The following MAP3K13 variants were observed in gnomAD, a reference collection of about 807,000 sequenced individuals.
MAP3K13 encodes the protein mitogen-activated protein kinase kinase kinase 13.
Under a neutral mutation model 104.0 loss-of-function variants are expected in MAP3K13, and 52 were observed. The ratio of observed to expected loss-of-function variants is 0.50; its 90% CI spans 0.40 to 0.63. The LOEUF is 0.63. Ranked by LOEUF, MAP3K13 falls within the 20% of genes least tolerant of loss-of-function variation. The pLI, the probability that MAP3K13 is intolerant of heterozygous loss-of-function variation, is 0.00. For missense variants in MAP3K13, 914 were observed against 1,218.5 expected (o/e 0.75, Z 3.72); for synonymous variants, 394 against 442.2 (o/e 0.89, Z 1.37).
chr3:185,425,431 C>T (rs1714357205), intron 1 of MAP3K13, among the ~76,000 whole-genome samples: 1 of 152,176 alleles, frequency 6.6e-6, no homozygotes, highest in South Asian at 2.1e-4. Flanking sequence ...ATTACTAGAT[C>T]TTACTAATTC....
chr3:185,479,341 G>A (rs553114829), intron 12 of MAP3K13, among the ~76,000 whole-genome samples: 1 of 152,334 alleles, frequency 6.6e-6, no homozygotes, highest in East Asian at 1.9e-4. Flanking sequence ...CAAAGTGTGT[G>A]TAGACCCAGC....
At chr3:185,388,394 C>T (rs1024944358) in intron 1 of MAP3K13, among the ~76,000 whole-genome samples, 1 of 151,808 alleles carries the variant, frequency 6.6e-6, no homozygotes, top group Non-Finnish European at 1.5e-5. Flanking sequence ...TCCAGCTACT[C>T]GGGAGGATGA....
At position 185,356,910 on chromosome 3, in the gene MAP3K13, T is replaced by G. The variant is rs866083721; in HGVS notation, c.-86+71267T>G. Among the ~76,000 whole-genome samples, 9 of 143,566 alleles carry G rather than the reference T, an allele frequency of 6.3e-5. No homozygotes were observed. In the South Asian group the frequency reaches 8.7e-4, roughly 14 times the overall value. The allele number at this position is 143,566 out of a possible 152,430, so 94.2% of individuals were successfully genotyped here. A position where few individuals can be genotyped will look rare whatever the true frequency, so the allele number is the denominator to read the frequency against. On this transcript the variant is annotated intron_variant, in intron 2 of 14. Coordinates refer to the MAP3K13 transcript ENST00000424227. ...TGTATGTATGTATGTATGTATGTAT[T>G]TATGTATTGAGACGGAGTCTCGCTC...
chr3:185,429,527 A>G (rs1173203495), intron 2 of MAP3K13, among the ~76,000 whole-genome samples: 5 of 152,200 alleles, frequency 3.3e-5, no homozygotes, highest in African/African-American at 1.2e-4. Flanking sequence ...CTGAGGCAGG[A>G]GGATTACTTG....
Position 185,428,738 on chromosome 3 carries a change from C to T in MAP3K13, c.157C>T (p.Arg53Ter). Residue 53 changes from arginine to a stop codon, truncating the protein, a stop_gained, in exon 2 of 14, where the codon CGA becomes TGA. Coordinates refer to ENST00000265026, the MANE Select transcript of MAP3K13 (RefSeq NM_004721.5). LOFTEE classifies it high-confidence loss of function. Reference protein sequence around the residue: ...LEDQQEKGMVRTELIESVHSP... With the variant: ...LEDQQEKGMV ...GGACCAGCAGGAAAAGGGGATGGTACGAACAGAGCTAATCGAGAGCGTGCA... is the reference window on the plus strand; with the variant it reads ...GGACCAGCAGGAAAAGGGGATGGTATGAACAGAGCTAATCGAGAGCGTGCA... 20 of 1,614,128 alleles carry T rather than the reference C, an allele frequency of 1.2e-5. No individual in the cohort carries two copies. The highest frequency in any genetic ancestry group is 2.2e-5 in the East Asian group (1 of 44,882).
chr3:185,431,291 C>G (rs901506202), intron 2 of MAP3K13, among the ~76,000 whole-genome samples: 5 of 152,192 alleles, frequency 3.3e-5, no homozygotes, highest in African/African-American at 9.7e-5. Flanking sequence ...TATAATTCTT[C>G]AGCATCATTT....
chr3:185,480,749 G>A (rs1359538325), intron 13 of MAP3K13, among the ~76,000 whole-genome samples: 2 of 152,192 alleles, frequency 1.3e-5, no homozygotes, highest in African/African-American at 2.4e-5. Flanking sequence ...CAGGAAGCAC[G>A]GCTGGGAGAC....
At position 185,315,238 on chromosome 3, in the gene MAP3K13, A is replaced by C. The variant is rs1721635222; in HGVS notation, c.-86+29595A>C. 6.6e-6 allele frequency among the ~76,000 whole-genome samples: 1 copy of C among 152,170 alleles called. No individual in the cohort carries two copies. The highest frequency in any genetic ancestry group is 2.4e-5 in the African/African-American group (1 of 41,442). ...GCACTCCAGCCTGGGTGACAGAGCA[A>C]GACTCCAACTCAAAAAAGAAAAAAA... On this transcript the variant is annotated intron_variant, in intron 2 of 14. Coordinates refer to the MAP3K13 transcript ENST00000424227. The surrounding 1 kb of genome is among the most constrained non-coding windows in gnomAD (Gnocchi z 4.3).
chr3:185,325,112 T>A lies in MAP3K13; in HGVS notation c.-86+39469T>A, dbSNP rs546766700. 2.6e-5 allele frequency among the ~76,000 whole-genome samples: 4 copies of A among 152,332 alleles called. No individual in the cohort carries two copies. The East Asian group carries it at 7.7e-4, about 29-fold the overall frequency. Reference sequence around the variant, plus strand: ...ACTAATAATTTGGGTGAAATCATGGTCATTAAGTAGACGTAGTTAGGCTGA... The same window carrying A: ...ACTAATAATTTGGGTGAAATCATGGACATTAAGTAGACGTAGTTAGGCTGA... On this transcript the variant is annotated intron_variant, in intron 2 of 14. Coordinates refer to the MAP3K13 transcript ENST00000424227.
chr3:185,437,428 T>C lies in MAP3K13; in HGVS notation c.476-19T>C, dbSNP rs1485677523. ...CCTTCTGAGATCTCTTCAAGCTTAT[T>C]TCTTGCTTGTGTGCCTAGATACTTG... On this transcript the variant is annotated intron_variant, in intron 2 of 13. Coordinates refer to ENST00000265026, the MANE Select transcript of MAP3K13 (RefSeq NM_004721.5). The C allele has an allele frequency of 6.2e-7, 1 of 1,609,802 alleles. No individual in the cohort carries two copies. Among genetic ancestry groups the C allele is most frequent in the Non-Finnish European group, 8.5e-7 (1 of 1,178,098 alleles).
intron 2 of MAP3K13, among the ~76,000 whole-genome samples, chr3:185,287,634 A>G (rs918856955): frequency 3.9e-5 from 6 of 152,200 alleles, no homozygotes; most frequent in African/African-American, 1.4e-4. Context: ...AGATTTTATT[A>G]GAAACTTGCT....
intron 2 of MAP3K13, among the ~76,000 whole-genome samples, chr3:185,290,817 T>C (rs1334549329): frequency 1.3e-5 from 2 of 152,142 alleles, no homozygotes; most frequent in Non-Finnish European, 2.9e-5. Context: ...TTAGCTGCTA[T>C]TATTATTAGT....
At chr3:185,480,575 T>C in intron 13 of MAP3K13, 46 bp downstream of exon 13, 1 of 1,580,112 alleles carries the variant, frequency 6.3e-7, no homozygotes, top group Non-Finnish European at 8.6e-7. Context: ...CCTTTTTTGC[T>C]CTTTGGGGTT....
intron 1 of MAP3K13, among the ~76,000 whole-genome samples, chr3:185,402,375 G>T (rs1046849433): frequency 2.0e-4 from 30 of 151,934 alleles, no homozygotes; most frequent in African/African-American, 6.8e-4. Flanking sequence ...GCTTTGGGTG[G>T]TTTTTTAAAA....
At chr3:185,392,048 AC>A (rs1178452944) in intron 1 of MAP3K13, among the ~76,000 whole-genome samples, 2 of 152,290 alleles carry the variant, frequency 1.3e-5, no homozygotes, top group Admixed American at 1.3e-4. Context: ...TTCTTGCATG[AC>A]TTTTACATGC....
At chr3:185,340,497 T>G (rs1004334831) in intron 2 of MAP3K13, among the ~76,000 whole-genome samples, 2 of 152,212 alleles carry the variant, frequency 1.3e-5, no homozygotes, top group African/African-American at 4.8e-5. Context: ...GAATGTGTAC[T>G]TTATCCTGAG....
At chr3:185,414,226 T>C (rs866870153) in intron 1 of MAP3K13, among the ~76,000 whole-genome samples, 12 of 152,354 alleles carry the variant, frequency 7.9e-5, no homozygotes, top group Middle Eastern at 3.4e-3. Context: ...TAAGTTAATA[T>C]GGGAAACGTG....
chr3:185,381,270 G>A (rs913709413), intron 1 of MAP3K13, among the ~76,000 whole-genome samples: 3 of 152,166 alleles, frequency 2.0e-5, no homozygotes, highest in African/African-American at 7.2e-5. Flanking sequence ...CCAAGAGGAA[G>A]AGTTTCATGC....
chr3:185,427,936 A>G (rs1714520059), intron 1 of MAP3K13, among the ~76,000 whole-genome samples: 1 of 152,040 alleles, frequency 6.6e-6, no homozygotes, highest in South Asian at 2.1e-4. Flanking sequence ...AAAATTAGCC[A>G]GGTGTGATGA....
Sources: gnomAD v4.1 joint callset for allele counts (sites outside exome capture counted in the v4.1 genomes callset) on GRCh38, gnomAD v4.1.1 for gene constraint, Gnocchi (gnomAD v3.1) non-coding constraint, MANE v1.5 for transcripts, NCBI Gene and HGNC (gene_info 2026-07-23, HGNC 2026-07-21) for gene names.